SEMA5B: variants seen among roughly 807,000 people sequenced by gnomAD.
SEMA5B encodes the protein semaphorin 5B.
Under a neutral mutation model 135.0 loss-of-function variants are expected in SEMA5B, and 66 were observed. That is an observed-to-expected ratio of 0.49 (90% CI 0.40 to 0.60). SEMA5B has a LOEUF of 0.60. Among genes scored for constraint, SEMA5B ranks in the 20% least tolerant of loss-of-function variants. The pLI is 0.00. For synonymous variants in SEMA5B, 690 were observed against 639.5 expected (o/e 1.08, Z -1.19); for missense variants, 1,501 against 1,566.3 (o/e 0.96, Z 0.70).
At chr3:122,939,599 G>A (rs1939464814) in intron 4 of SEMA5B, 129 bp from the exon 5 acceptor site, 1 of 692,092 alleles carries the variant, frequency 1.4e-6, no homozygotes, top group South Asian at 1.7e-5. Flanking sequence ...AACCCCTAAG[G>A]AGAGCTTTAC....
At position 122,948,501 on chromosome 3, in the gene SEMA5B, C is replaced by T. The variant is rs750412434; in HGVS notation, c.328+5G>A. 21 of 1,595,614 alleles carry T rather than the reference C, an allele frequency of 1.3e-5. No individual in the cohort carries two copies. Among genetic ancestry groups the T allele is most frequent in the Non-Finnish European group, 8.6e-7 (1 of 1,167,346 alleles). On this transcript the variant is annotated splice_donor_5th_base_variant and intron_variant, in intron 3 of 22. Transcript: ENST00000357599. The stretch of plus-strand genomic sequence containing the variant: ...AGACAGGGCCAAGTAGGAAGCAACT[C>T]TTACCTTCAAAGGCCACGGTGGGGT...
intron 1 of SEMA5B, among the ~76,000 whole-genome samples, chr3:123,026,708 G>A (rs975121617): frequency 1.3e-5 from 2 of 152,196 alleles, no homozygotes; most frequent in Admixed American, 1.3e-4. Context: ...CCCGCAGGAC[G>A]TGAGCGGAAA....
chr3:122,974,135 C>T (rs1246906509), intron 1 of SEMA5B, among the ~76,000 whole-genome samples: 1 of 152,216 alleles, frequency 6.6e-6, no homozygotes, highest in East Asian at 1.9e-4. Context: ...CACATGCTTG[C>T]AGGCGGGGAG....
At chr3:122,995,349 A>G (rs1469474698) in intron 1 of SEMA5B, among the ~76,000 whole-genome samples, 2 of 152,184 alleles carry the variant, frequency 1.3e-5, no homozygotes, top group African/African-American at 4.8e-5. Context: ...TCCAGAGACC[A>G]AAAGGTAAGA....
chr3:122,970,248 C>T (rs931015686), intron 1 of SEMA5B, among the ~76,000 whole-genome samples: 2 of 152,236 alleles, frequency 1.3e-5, no homozygotes, highest in Admixed American at 1.3e-4. Flanking sequence ...TCAGCTCCAG[C>T]TGATGACAGA....
chr3:122,966,594 A>G (rs898597385), intron 1 of SEMA5B, among the ~76,000 whole-genome samples: 9 of 149,332 alleles, frequency 6.0e-5, no homozygotes, highest in South Asian at 2.1e-4. Flanking sequence ...TCGCTCTATC[A>G]CCCAGGCTGG....
At chr3:122,997,873 G>A (rs916427533) in intron 1 of SEMA5B, among the ~76,000 whole-genome samples, 5 of 152,104 alleles carry the variant, frequency 3.3e-5, no homozygotes, top group Non-Finnish European at 5.9e-5. Context: ...CTCTCTCCTC[G>A]CTGGGTCTTG....
chr3:122,943,555 C>T lies in SEMA5B; in HGVS notation c.329-20G>A, dbSNP rs757142307. The stretch of plus-strand genomic sequence containing the variant: ...GCAGGTCTGGTGGAGGGAGAGGCAA[C>T]CCTGTGGTTACTGTTGGGCCAGAGG... On this transcript the variant is annotated intron_variant, in intron 3 of 22. Coordinates refer to ENST00000357599, the MANE Select transcript of SEMA5B (RefSeq NM_001031702.4). 1.3e-6 allele frequency: 2 copies of T among 1,559,414 alleles called. No individual in the cohort carries two copies. Among genetic ancestry groups the T allele is most frequent in the South Asian group, 1.2e-5 (1 of 86,812 alleles).
At chr3:122,943,849 G>A (rs1460132664) in intron 3 of SEMA5B, among the ~76,000 whole-genome samples, 1 of 152,132 alleles carries the variant, frequency 6.6e-6, no homozygotes, top group Non-Finnish European at 1.5e-5. Context: ...GGTAAATCCT[G>A]CCTGTTCTAC....
At chr3:122,952,995 C>A (rs1452478475) in intron 2 of SEMA5B, among the ~76,000 whole-genome samples, 3 of 152,210 alleles carry the variant, frequency 2.0e-5, no homozygotes, top group Non-Finnish European at 4.4e-5. Flanking sequence ...AACCCCCTTC[C>A]TACACCTTTG....
chr3:122,989,092 C>T (rs1485922555), intron 1 of SEMA5B, among the ~76,000 whole-genome samples: 3 of 152,216 alleles, frequency 2.0e-5, no homozygotes, highest in African/African-American at 4.8e-5. Flanking sequence ...CTCACTGCTC[C>T]GCTAGAGGAA....
At chr3:123,016,289 G>A (rs952084445) in intron 1 of SEMA5B, among the ~76,000 whole-genome samples, 1 of 152,186 alleles carries the variant, frequency 6.6e-6, no homozygotes, top group East Asian at 1.9e-4. Context: ...CTGTGATGTC[G>A]GTAAGAAGAT....
In SEMA5B at chr3:122,983,716, CAAAAAAAAAAAAAAAAAAA is replaced by C. The variant is rs57975297; in HGVS notation, c.-38-22434_-38-22416del. On this transcript the variant is annotated intron_variant, in intron 1 of 22. Transcript: ENST00000357599. ...CTGGGCGACAGAGCGAGACTCGTCT[CAAAAAAAAAAAAAAAAAAA>C]AAAAAAAAAAAAAAAAAGGTAGATT... Among the ~76,000 whole-genome samples, 1,363 of 53,462 alleles carry C rather than the reference CAAAAAAAAAAAAAAAAAAA, an allele frequency of 0.025. 113 individuals are homozygous for C. The East Asian group carries it at 0.39, about 15-fold the overall frequency. The allele number at this position is 53,462 out of a possible 152,430, so 35.1% of individuals were successfully genotyped here. A position where few individuals can be genotyped will look rare whatever the true frequency, so the allele number is the denominator to read the frequency against.
chr3:122,916,610 G>C (rs1938087608), intron 12 of SEMA5B, among the ~76,000 whole-genome samples: 1 of 152,192 alleles, frequency 6.6e-6, no homozygotes, highest in Admixed American at 6.5e-5. Context: ...CCAGACCTAA[G>C]CTTTCTGACC....
chr3:122,981,693 C>T lies in SEMA5B; in HGVS notation c.-38-20392G>A, dbSNP rs554037594. ...TGAACCAAGCCATGAGAGAGGCACA[C>T]AGGCACTGTTTTTTGAGCAGAGAAA... On this transcript the variant is annotated intron_variant, in intron 1 of 22. Coordinates refer to ENST00000357599, the MANE Select transcript of SEMA5B (RefSeq NM_001031702.4). 2.8e-4 allele frequency among the ~76,000 whole-genome samples: 43 copies of T among 152,352 alleles called. No individual in the cohort carries two copies. The South Asian group carries it at 3.9e-3, about 14-fold the overall frequency.
intron 10 of SEMA5B, among the ~76,000 whole-genome samples, chr3:122,923,188 C>T (rs1938458748): frequency 6.6e-6 from 1 of 152,216 alleles, no homozygotes; most frequent in Non-Finnish European, 1.5e-5. Flanking sequence ...CTACCCACGG[C>T]TGGGCCCTGA....
Position 122,956,834 on chromosome 3 carries a change from C to T in SEMA5B, c.124+4306G>A, listed in dbSNP as rs548512378. 5.9e-5 allele frequency among the ~76,000 whole-genome samples: 9 copies of T among 152,260 alleles called. No individual in the cohort carries two copies. In the East Asian group the frequency reaches 1.7e-3, roughly 29 times the overall value. On this transcript the variant is annotated intron_variant, in intron 2 of 22. Transcript: ENST00000357599. Reference sequence around the variant, plus strand: ...CAGCGGGAAGCAGCTGATGTGAGTGCCCTAAAAGGGAAAAAACGTCCTGGG... The same window carrying T: ...CAGCGGGAAGCAGCTGATGTGAGTGTCCTAAAAGGGAAAAAACGTCCTGGG...
chr3:122,998,605 C>T (rs1240076490), intron 1 of SEMA5B, among the ~76,000 whole-genome samples: 1 of 152,192 alleles, frequency 6.6e-6, no homozygotes, highest in East Asian at 1.9e-4. Context: ...AGCTCCAGGC[C>T]TACCCTGCTA....
At chr3:122,954,114 C>A (rs887293040) in intron 2 of SEMA5B, among the ~76,000 whole-genome samples, 1 of 152,202 alleles carries the variant, frequency 6.6e-6, no homozygotes, top group East Asian at 1.9e-4. Context: ...GGGTGGAATG[C>A]AGCAGCATGA....
Sources: allele counts gnomAD v4.1 joint callset (sites outside exome capture counted in the v4.1 genomes callset), GRCh38; gene constraint gnomAD v4.1.1; transcripts MANE v1.5; gene names NCBI Gene and HGNC (gene_info 2026-07-23, HGNC 2026-07-21).